The following CNTN5 variants were observed in gnomAD, a reference collection of about 807,000 sequenced individuals.
The protein encoded by CNTN5 is contactin 5.
CNTN5 carries 77 observed loss-of-function variants against 129.1 expected under a neutral mutation model. The ratio of observed to expected loss-of-function variants is 0.60; its 90% confidence interval spans 0.50 to 0.72. The LOEUF is 0.72. CNTN5 is among the 30% of genes least tolerant of loss of function. The pLI, the probability that CNTN5 is intolerant of heterozygous loss-of-function variation, is 0.00. For missense variants in CNTN5, 1,478 were observed against 1,328.8 expected (o/e 1.11, Z -1.75); for synonymous variants, 509 against 465.6 (o/e 1.09, Z -1.20).
At chr11:100,084,498 G>A (rs956550862) in intron 13 of CNTN5, among the ~76,000 whole-genome samples, 1 of 151,942 alleles carries the variant, frequency 6.6e-6, no homozygotes, top group African/African-American at 2.4e-5. Flanking sequence ...ATTTAACTTT[G>A]GTTAATTTAT....
intron 1 of CNTN5, among the ~76,000 whole-genome samples, chr11:99,141,398 G>C (rs1431893881): frequency 6.6e-6 from 1 of 151,676 alleles, no homozygotes; most frequent in Non-Finnish European, 1.5e-5. Flanking sequence ...TGTTTATTTG[G>C]ATCTTCTTTG....
At chr11:100,159,423 C>A (rs1947364749) in intron 13 of CNTN5, among the ~76,000 whole-genome samples, 1 of 151,818 alleles carries the variant, frequency 6.6e-6, no homozygotes, top group African/African-American at 2.4e-5. Flanking sequence ...ACTGCTAAGT[C>A]ACCTAGGTTG....
chr11:99,145,841 A>G (rs1859758100), intron 1 of CNTN5, among the ~76,000 whole-genome samples: 1 of 152,128 alleles, frequency 6.6e-6, no homozygotes, highest in Non-Finnish European at 1.5e-5. Flanking sequence ...TATTCAACCT[A>G]CAAGAAGGAC....
intron 3 of CNTN5, among the ~76,000 whole-genome samples, chr11:99,789,896 A>G (rs529365721): frequency 1.2e-4 from 18 of 152,128 alleles, no homozygotes; most frequent in African/African-American, 4.3e-4. Flanking sequence ...ATACTACCCA[A>G]TAGCTAGTTT....
At chr11:100,190,467 A>G (rs1360933699) in intron 13 of CNTN5, among the ~76,000 whole-genome samples, 2 of 152,154 alleles carry the variant, frequency 1.3e-5, no homozygotes, top group Admixed American at 1.3e-4. Flanking sequence ...ACTTCTAAAA[A>G]TTTTTAACAA....
At chr11:100,011,417 G>T (rs1168957441) in intron 9 of CNTN5, among the ~76,000 whole-genome samples, 1 of 152,158 alleles carries the variant, frequency 6.6e-6, no homozygotes, top group East Asian at 1.9e-4. Flanking sequence ...CCAGCTAATA[G>T]TGTTACAGGC....
chr11:100,167,348 A>G (rs117871755), intron 13 of CNTN5, among the ~76,000 whole-genome samples: 6 of 151,978 alleles, frequency 3.9e-5, no homozygotes, highest in Non-Finnish European at 8.8e-5. Context: ...AGAAAATTGG[A>G]GATGACTGAT....
intron 9 of CNTN5, among the ~76,000 whole-genome samples, chr11:100,009,931 G>T (rs1422130834): frequency 6.6e-6 from 1 of 152,112 alleles, no homozygotes; most frequent in Non-Finnish European, 1.5e-5. Flanking sequence ...TTTCAAACCG[G>T]TTGGTGGCAT....
intron 1 of CNTN5, among the ~76,000 whole-genome samples, chr11:99,250,913 T>A (rs2135790518): frequency 6.6e-6 from 1 of 152,068 alleles, no homozygotes; most frequent in East Asian, 1.9e-4. Flanking sequence ...AAACAGAATT[T>A]GAGGCACTAA....
chr11:99,927,764 C>A (rs1178222954), intron 7 of CNTN5, among the ~76,000 whole-genome samples: 2 of 152,086 alleles, frequency 1.3e-5, no homozygotes, highest in Non-Finnish European at 2.9e-5. Context: ...GGAGACACAG[C>A]CAAATCATAT....
chr11:99,679,834 G>C (rs929679050), intron 3 of CNTN5, among the ~76,000 whole-genome samples: 3 of 152,340 alleles, frequency 2.0e-5, no homozygotes, highest in Admixed American at 2.0e-4. Context: ...CCTTAGCCAG[G>C]CTGTGAGTGC....
At position 99,148,095 on chromosome 11, in the gene CNTN5, A is replaced by T. The variant is rs536007671; in HGVS notation, c.-210+126825A>T. Among the ~76,000 whole-genome samples the T allele has an allele frequency of 3.7e-4, 56 of 152,184 alleles. 1 individual carries two copies. Among genetic ancestry groups the T allele is most frequent in the South Asian group, 2.1e-4 (1 of 4,822 alleles). On this transcript the variant is annotated intron_variant, in intron 1 of 24. Transcript: ENST00000524871. ...TAAATATTTTTATATTACATTTAAA[A>T]AGTATGTAGTCTTTTATGCGCCCTT...
intron 1 of CNTN5, among the ~76,000 whole-genome samples, chr11:99,299,409 A>T (rs1353053429): frequency 1.3e-5 from 2 of 152,246 alleles, no homozygotes; most frequent in Non-Finnish European, 2.9e-5. Context: ...AACAAAAAAA[A>T]TTACTGGAAG....
At chr11:99,698,199 C>A (rs2134846116) in intron 3 of CNTN5, among the ~76,000 whole-genome samples, 1 of 150,976 alleles carries the variant, frequency 6.6e-6, no homozygotes, top group Admixed American at 6.6e-5. Context: ...TTCTGTTTAA[C>A]AGAAATACAT....
At chr11:99,452,228 T>A (rs1363492740) in intron 2 of CNTN5, among the ~76,000 whole-genome samples, 5 of 152,026 alleles carry the variant, frequency 3.3e-5, no homozygotes, top group Non-Finnish European at 5.9e-5. Context: ...TGAAGTAATA[T>A]AATTATTAGT....
At chr11:99,522,601 T>A (rs1166704376) in intron 2 of CNTN5, among the ~76,000 whole-genome samples, 2 of 152,148 alleles carry the variant, frequency 1.3e-5, no homozygotes, top group Non-Finnish European at 2.9e-5. Flanking sequence ...TATAAATAAA[T>A]TATTTAATAC....
At chr11:100,276,418 A>C (rs994567931) in intron 18 of CNTN5, among the ~76,000 whole-genome samples, 3 of 150,740 alleles carry the variant, frequency 2.0e-5, no homozygotes, top group Non-Finnish European at 4.4e-5. Flanking sequence ...ACACACCTGT[A>C]ATTTTAGCTA....
At chr11:99,832,137 G>A (rs527694122) in intron 4 of CNTN5, among the ~76,000 whole-genome samples, 1 of 152,238 alleles carries the variant, frequency 6.6e-6, no homozygotes, top group African/African-American at 2.4e-5. Context: ...ACTCGAGTAA[G>A]AAAACTGCTT....
chr11:99,568,532 T>TTC (rs1949078144), intron 3 of CNTN5, among the ~76,000 whole-genome samples: 1 of 152,178 alleles, frequency 6.6e-6, no homozygotes, highest in South Asian at 2.1e-4. Context: ...ACAGCTTATT[T>TTC]TCTGTACCTC....
Sources: gnomAD v4.1 joint callset for allele counts (sites outside exome capture counted in the v4.1 genomes callset) on GRCh38, gnomAD v4.1.1 for gene constraint, MANE v1.5 for transcripts, NCBI Gene and HGNC (gene_info 2026-07-23, HGNC 2026-07-21) for gene names.